Variants in FAM107A observed in about 807,000 individuals in gnomAD.
FAM107A encodes the protein family with sequence similarity 107 member A, also known as actin-associated protein FAM107A.
FAM107A carries 19 observed loss-of-function variants against 13.7 expected under a neutral mutation model. The ratio of observed to expected loss-of-function variants is 1.38; its 90% CI spans 0.97 to 2.03. FAM107A has a LOEUF of 2.03. Among genes scored for constraint, FAM107A ranks in the 30% most tolerant of loss-of-function variants. The probability of loss-of-function intolerance (pLI) is 0.00; values close to 1 mark genes in which losing one functional copy is unlikely to be tolerated. For missense variants in FAM107A, 203 were observed against 184.4 expected (o/e 1.10, Z -0.58); for synonymous variants, 82 against 74.5 (o/e 1.10, Z -0.52).
chr3:58,571,066 C>A (rs1215722203), intron 1 of FAM107A, among the ~76,000 whole-genome samples: 1 of 152,204 alleles, frequency 6.6e-6, no homozygotes, highest in Non-Finnish European at 1.5e-5. Context: ...AATGCAGTTT[C>A]ATGGATGAAC....
intron 1 of FAM107A, among the ~76,000 whole-genome samples, chr3:58,605,453 T>C (rs941368754): frequency 1.3e-5 from 2 of 152,182 alleles, no homozygotes; most frequent in Non-Finnish European, 2.9e-5. Context: ...AACCCTGATC[T>C]CTGCCTCCTG....
intron 1 of FAM107A, among the ~76,000 whole-genome samples, chr3:58,570,903 G>A (rs2063677212): frequency 1.3e-5 from 2 of 152,234 alleles, no homozygotes; most frequent in South Asian, 4.1e-4. Flanking sequence ...CCAGTGCCCG[G>A]TGGCATGTGA....
At chr3:58,612,139 A>C (rs995353116) in intron 1 of FAM107A, among the ~76,000 whole-genome samples, 6 of 152,168 alleles carry the variant, frequency 3.9e-5, no homozygotes, top group Non-Finnish European at 7.3e-5. Flanking sequence ...TAAAAGTAAA[A>C]TCTATCCCAA....
At position 58,617,665 on chromosome 3, in the gene FAM107A, G is replaced by A. The variant is rs1027775964; in HGVS notation, c.-70+9751C>T. On this transcript the variant is annotated intron_variant, in intron 1 of 3. Coordinates refer to the FAM107A transcript ENST00000465970. The surrounding 1 kb of genome is among the most constrained non-coding windows in gnomAD (Gnocchi z 4.5). ...TTGGGTTTCTGCCTGCGAGAAAACC[G>A]GCTTTTGATTTGGCCCCTCTTGCAC... is the stretch of plus-strand genomic sequence containing the variant. Among the ~76,000 whole-genome samples the A allele has an allele frequency of 2.6e-5, 4 of 152,194 alleles. No homozygotes were observed. The highest frequency in any genetic ancestry group is 6.5e-5 in the Admixed American group (1 of 15,280).
intron 1 of FAM107A, among the ~76,000 whole-genome samples, chr3:58,576,186 C>T (rs543566538): frequency 1.1e-3 from 171 of 152,318 alleles, no homozygotes; most frequent in Middle Eastern, 3.4e-3. Context: ...GGTCGATGCT[C>T]GGAAGCCCCC....
Position 58,565,017 on chromosome 3 carries a change from G to C in FAM107A, c.*1571C>G, listed in dbSNP as rs981037232. ...CCCACGTTTGCTTCCAGGAATCAAA[G>C]AGCATGCCAGTGGCAGCTATCTGTG... On this transcript the variant is annotated 3_prime_UTR_variant, in exon 4 of 4. Transcript: ENST00000360997. 3.9e-5 allele frequency: 6 copies of C among 152,258 alleles called. No individual in the cohort carries two copies. Among genetic ancestry groups the C allele is most frequent in the African/African-American group, 1.4e-4 (6 of 41,456 alleles). The allele number at this position is 152,258 out of a possible 1,614,324, so 9.4% of individuals were successfully genotyped here.
At chr3:58,622,373 G>A (rs2065964272) in intron 1 of FAM107A, among the ~76,000 whole-genome samples, 1 of 152,182 alleles carries the variant, frequency 6.6e-6, no homozygotes, top group Non-Finnish European at 1.5e-5. Context: ...TCTGGGAGGT[G>A]GGGGTTGTTG....
At chr3:58,626,379 T>C (rs1220392442) in intron 1 of FAM107A, among the ~76,000 whole-genome samples, 3 of 152,174 alleles carry the variant, frequency 2.0e-5, no homozygotes, top group African/African-American at 7.2e-5. Context: ...GAGCTCAGGC[T>C]TAGAAGGTGA....
chr3:58,601,120 C>G (rs147746775), intron 1 of FAM107A, among the ~76,000 whole-genome samples: 22 of 152,302 alleles, frequency 1.4e-4, no homozygotes, highest in African/African-American at 5.3e-4. Context: ...TACCACAATT[C>G]TGTTATTGAT....
intron 1 of FAM107A, among the ~76,000 whole-genome samples, chr3:58,584,944 T>A (rs1343174145): frequency 1.3e-5 from 2 of 152,258 alleles, no homozygotes; most frequent in African/African-American, 4.8e-5. Flanking sequence ...GTTACTTCAT[T>A]CTTTCCTTGC....
intron 1 of FAM107A, among the ~76,000 whole-genome samples, chr3:58,594,493 C>T (rs1230507349): frequency 6.6e-6 from 1 of 152,186 alleles, no homozygotes; most frequent in African/African-American, 2.4e-5. Flanking sequence ...TTTTGGTGCT[C>T]CCTCTCATCT....
upstream of FAM107A, among the ~76,000 whole-genome samples, chr3:58,579,678 A>G (rs1269094474): frequency 6.6e-6 from 1 of 152,156 alleles, no homozygotes; most frequent in Non-Finnish European, 1.5e-5. Context: ...GTTGGAGAGT[A>G]AGAAGGATCC....
At chr3:58,618,646 T>C (rs1300877494) in intron 1 of FAM107A, among the ~76,000 whole-genome samples, 1 of 152,234 alleles carries the variant, frequency 6.6e-6, no homozygotes, top group Non-Finnish European at 1.5e-5. Flanking sequence ...TCCTTCTCTC[T>C]ACTGCCTTGG....
At chr3:58,601,676 G>A (rs1388577545) in intron 1 of FAM107A, among the ~76,000 whole-genome samples, 2 of 152,126 alleles carry the variant, frequency 1.3e-5, no homozygotes, top group Admixed American at 1.3e-4. Context: ...GGGATTTCTA[G>A]GTCAATGGCT....
At chr3:58,579,248 G>T (rs553533355), upstream of FAM107A, among the ~76,000 whole-genome samples, 95 of 152,256 alleles carry the variant, frequency 6.2e-4, no homozygotes, top group African/African-American at 2.1e-3. Flanking sequence ...GTAAAGGCAG[G>T]CTGGGTGCCA....
At chr3:58,622,427 C>T (rs1461289813) in intron 1 of FAM107A, among the ~76,000 whole-genome samples, 1 of 150,290 alleles carries the variant, frequency 6.7e-6, no homozygotes, top group Non-Finnish European at 1.5e-5. Context: ...GGTGACAGGG[C>T]GAGACTCTGT....
chr3:58,622,358 T>C (rs1281634037), intron 1 of FAM107A, among the ~76,000 whole-genome samples: 1 of 152,164 alleles, frequency 6.6e-6, no homozygotes, highest in Non-Finnish European at 1.5e-5. Context: ...GGAGAATCAC[T>C]TTAATCTGGG....
intron 1 of FAM107A, among the ~76,000 whole-genome samples, chr3:58,582,814 G>GTTTC (rs1559479629): frequency 6.6e-6 from 1 of 152,184 alleles, no homozygotes; most frequent in African/African-American, 2.4e-5. Flanking sequence ...TTGTTTGTTT[G>GTTTC]TTTGAGACAG....
At position 58,617,566 on chromosome 3, in the gene FAM107A, C is replaced by T. The variant is rs1008926568; in HGVS notation, c.-70+9850G>A. Reference sequence around the variant, plus strand: ...TCTGATCTCTTACTTACACAAAGCCCCTTGTTTATGTTAGTTTGGGAGACA... The same window carrying T: ...TCTGATCTCTTACTTACACAAAGCCTCTTGTTTATGTTAGTTTGGGAGACA... On this transcript the variant is annotated intron_variant, in intron 1 of 3. Transcript: ENST00000465970. This position sits in a 1 kb window ranked among gnomAD's most constrained non-coding sequence, Gnocchi z 4.5. Among the ~76,000 whole-genome samples, 1 of 152,136 alleles carries T rather than the reference C, an allele frequency of 6.6e-6. No individual in the cohort carries two copies. Among genetic ancestry groups the T allele is most frequent in the Non-Finnish European group, 1.5e-5 (1 of 68,034 alleles).
Sources: gnomAD v4.1 joint callset for allele counts (sites outside exome capture counted in the v4.1 genomes callset) on GRCh38, gnomAD v4.1.1 for gene constraint, Gnocchi (gnomAD v3.1) non-coding constraint, MANE v1.5 for transcripts, NCBI Gene and HGNC (gene_info 2026-07-23, HGNC 2026-07-21) for gene names.